LYRM7: variants seen among roughly 807,000 people sequenced by gnomAD.
LYRM7 encodes LYR motif containing 7, also known as complex III assembly factor LYRM7.
In LYRM7, 9 loss-of-function variants were observed where a neutral mutation model predicts 15.8. The observed-to-expected ratio is 0.57, with a 90% confidence interval of 0.34 to 0.99. The LOEUF is 0.99. Among genes scored for constraint, LYRM7 ranks in the 50% least tolerant of loss-of-function variants. LYRM7 has a pLI of 0.02. For synonymous variants in LYRM7, 39 were observed against 39.4 expected (o/e 0.99, Z 0.04); for missense variants, 115 against 119.1 (o/e 0.97, Z 0.16).
In LYRM7 at chr5:131,179,877, G is replaced by A. The variant is rs375668156; in HGVS notation, c.19-218G>A. 5.5e-4 allele frequency among the ~76,000 whole-genome samples: 83 copies of A among 152,088 alleles called. 1 individual carries two copies. Among genetic ancestry groups the A allele is most frequent in the African/African-American group, 1.8e-3 (75 of 41,496 alleles). On this transcript the variant is annotated intron_variant, in intron 1 of 4. Coordinates refer to ENST00000379380, the MANE Select transcript of LYRM7 (RefSeq NM_181705.4). ...CTTGAACCCAGGAGGCGGAGGTTGT[G>A]GTGAGCCAAGATCACACCACTGCAC...
intron 1 of LYRM7, among the ~76,000 whole-genome samples, chr5:131,175,033 G>T (rs1755576946): frequency 2.0e-5 from 3 of 151,988 alleles, no homozygotes; most frequent in Admixed American, 6.6e-5. Context: ...TTTCTGAGCA[G>T]ATCTCAACAG....
chr5:131,177,314 G>A (rs2149659810), intron 1 of LYRM7, among the ~76,000 whole-genome samples: 1 of 152,150 alleles, frequency 6.6e-6, no homozygotes, highest in East Asian at 1.9e-4. Context: ...CATGGTCTTT[G>A]CCTCTCCCAT....
intron 4 of LYRM7, among the ~76,000 whole-genome samples, chr5:131,194,080 C>T (rs537185778): frequency 3.9e-5 from 6 of 152,056 alleles, no homozygotes; most frequent in Non-Finnish European, 8.8e-5. Context: ...TTTCAGGGGC[C>T]TGAAGTACAG....
chr5:131,194,021 G>T (rs1429540580), intron 4 of LYRM7, among the ~76,000 whole-genome samples: 1 of 151,576 alleles, frequency 6.6e-6, no homozygotes, highest in Non-Finnish European at 1.5e-5. Flanking sequence ...AAAAAAAAAA[G>T]AAATTGCTTT....
At chr5:131,190,601 C>T (rs1302758589) in intron 4 of LYRM7, among the ~76,000 whole-genome samples, 1 of 152,002 alleles carries the variant, frequency 6.6e-6, no homozygotes, top group African/African-American at 2.4e-5. Context: ...AGTGATTCTC[C>T]TGCCTCAGCC....
Position 131,174,369 on chromosome 5 carries a change from G to A in LYRM7, c.18+3331G>A, listed in dbSNP as rs373155283. On this transcript the variant is annotated intron_variant, in intron 1 of 4. Transcript: ENST00000379380. ...CCTCCACTGAAGTCTTGAACCCCTC[G>A]AAGTCATCCATGAGTGTTCAAATAA... Among the ~76,000 whole-genome samples the A allele has an allele frequency of 1.1e-4, 16 of 152,218 alleles. No homozygotes were observed. In the East Asian group the frequency reaches 1.4e-3, roughly 13 times the overall value.
chr5:131,185,608 A>G (rs908366341), intron 3 of LYRM7, among the ~76,000 whole-genome samples: 14 of 152,152 alleles, frequency 9.2e-5, no homozygotes, highest in Non-Finnish European at 1.5e-5. Flanking sequence ...AATTATATCT[A>G]TCAATACTAA....
In LYRM7 at chr5:131,200,867, C is replaced by T. The variant is rs920446841; in HGVS notation, c.*1266C>T. 6.6e-6 allele frequency: 1 copy of T among 151,960 alleles called. No homozygotes were observed. Among genetic ancestry groups the T allele is most frequent in the South Asian group, 2.1e-4 (1 of 4,826 alleles). The allele number at this position is 151,960 out of a possible 1,614,324, so 9.4% of individuals were successfully genotyped here. A position where few individuals can be genotyped will look rare whatever the true frequency, so the allele number is the denominator to read the frequency against. ...ATTTTAGTGTTATTGAATATTTTATCACTGAGCTTTTTTCTTTAACCTGAA... is the reference window on the plus strand; with the variant it reads ...ATTTTAGTGTTATTGAATATTTTATTACTGAGCTTTTTTCTTTAACCTGAA... On this transcript the variant is annotated 3_prime_UTR_variant, in exon 5 of 5. Transcript: ENST00000379380.
chr5:131,183,157 G>A (rs190111116), intron 3 of LYRM7, among the ~76,000 whole-genome samples: 1 of 152,146 alleles, frequency 6.6e-6, no homozygotes, highest in East Asian at 1.9e-4. Flanking sequence ...TTTATATTTA[G>A]TGGAGAAAAT....
intron 3 of LYRM7, among the ~76,000 whole-genome samples, chr5:131,183,041 A>T (rs1302392149): frequency 6.6e-6 from 1 of 152,148 alleles, no homozygotes; most frequent in African/African-American, 2.4e-5. Flanking sequence ...GGTTCCAAGA[A>T]TTGATTCCTT....
rs1205845430 is a variant in LYRM7, at chr5:131,203,898, C to CAAA, written c.*4298_*4300dup. On this transcript the variant is annotated 3_prime_UTR_variant, in exon 5 of 5. Transcript: ENST00000379380. ...TCAATGGAAAGATAGGCAAATGATA[C>CAAA]AAATAAGAAATTCACAAAAGAAGAA... The CAAA allele has an allele frequency of 1.3e-5, 2 of 152,090 alleles. No individual in the cohort carries two copies. Among genetic ancestry groups the CAAA allele is most frequent in the Non-Finnish European group, 2.9e-5 (2 of 67,972 alleles). 9.4% of individuals were successfully genotyped at this position (152,090 alleles called of 1,614,324 possible).
intron 3 of LYRM7, among the ~76,000 whole-genome samples, chr5:131,186,457 C>A (rs754487929): frequency 6.6e-6 from 1 of 152,114 alleles, no homozygotes; most frequent in African/African-American, 2.4e-5. Context: ...AAAGCAGTAC[C>A]GTAGTCCCCC....
intron 4 of LYRM7, among the ~76,000 whole-genome samples, chr5:131,192,725 G>A (rs1580699437): frequency 6.6e-6 from 1 of 151,788 alleles, no homozygotes; most frequent in African/African-American, 2.4e-5. Context: ...TCTATTTTTT[G>A]TATTATCTCA....
intron 3 of LYRM7, among the ~76,000 whole-genome samples, 189 bp from the exon 4 acceptor site, chr5:131,186,839 T>A (rs1253540678): frequency 6.6e-6 from 1 of 152,206 alleles, no homozygotes; most frequent in Non-Finnish European, 1.5e-5. Context: ...ACTTATACAT[T>A]ATTTATTTTG....
At chr5:131,189,144 TCAAAAA>T (rs1450315855) in intron 4 of LYRM7, among the ~76,000 whole-genome samples, 3 of 150,660 alleles carry the variant, frequency 2.0e-5, no homozygotes, top group African/African-American at 4.9e-5. Context: ...AGACTCCATC[TCAAAAA>T]CAAAAACAAA....
intron 4 of LYRM7, among the ~76,000 whole-genome samples, chr5:131,196,225 C>T (rs988021649): frequency 4.0e-5 from 6 of 151,290 alleles, no homozygotes; most frequent in African/African-American, 9.7e-5. Flanking sequence ...TGCCTCACAC[C>T]TCCTGAATAG....
intron 4 of LYRM7, among the ~76,000 whole-genome samples, chr5:131,193,564 A>G (rs1007275650): frequency 6.6e-6 from 1 of 152,226 alleles, no homozygotes; most frequent in African/African-American, 2.4e-5. Context: ...TCAGTGTGAA[A>G]TATTTTAATG....
chr5:131,172,455 G>C (rs1427618030), intron 1 of LYRM7, among the ~76,000 whole-genome samples: 3 of 152,144 alleles, frequency 2.0e-5, no homozygotes, highest in African/African-American at 7.2e-5. Context: ...AGGAAGTTCA[G>C]ACCTGACGTT....
At chr5:131,178,813 T>G (rs1755638553) in intron 1 of LYRM7, among the ~76,000 whole-genome samples, 1 of 151,814 alleles carries the variant, frequency 6.6e-6, no homozygotes, top group African/African-American at 2.4e-5. Context: ...TAACAAAAAA[T>G]TAGCTGGGCG....
Sources: allele counts gnomAD v4.1 joint callset (sites outside exome capture counted in the v4.1 genomes callset), GRCh38; gene constraint gnomAD v4.1.1; transcripts MANE v1.5; gene names NCBI Gene and HGNC (gene_info 2026-07-23, HGNC 2026-07-21).